MYLK4: variants seen among roughly 807,000 people sequenced by gnomAD.
MYLK4 encodes the protein caMLCK like.
Under a neutral mutation model 48.1 loss-of-function variants are expected in MYLK4, and 46 were observed. That is an observed-to-expected ratio of 0.96 (90% CI 0.75 to 1.22). The LOEUF (loss-of-function observed/expected upper bound fraction) is 1.22. Among genes scored for constraint, MYLK4 ranks in the 50% most tolerant of loss-of-function variants. The pLI, the probability that MYLK4 is intolerant of heterozygous loss-of-function variation, is 0.00. For missense variants in MYLK4, 451 were observed against 486.1 expected (o/e 0.93, Z 0.68); for synonymous variants, 170 against 180.8 (o/e 0.94, Z 0.48).
At chr6:2,740,765 A>G (rs1027131958) in intron 2 of MYLK4, among the ~76,000 whole-genome samples, 1 of 152,226 alleles carries the variant, frequency 6.6e-6, no homozygotes, top group Non-Finnish European at 1.5e-5. Flanking sequence ...CTCATTTTCT[A>G]TACTAAACGC....
At chr6:2,752,633 C>G (rs370441099), upstream of MYLK4, among the ~76,000 whole-genome samples, 1 of 152,036 alleles carries the variant, frequency 6.6e-6, no homozygotes. Context: ...TTTGGCAAGT[C>G]CATTAAACGT....
upstream of MYLK4, among the ~76,000 whole-genome samples, chr6:2,752,169 G>A (rs1020026258): frequency 2.6e-5 from 4 of 152,186 alleles, no homozygotes; most frequent in African/African-American, 9.7e-5. Flanking sequence ...TGAGCCAGAG[G>A]CCAGGAGAAT....
chr6:2,684,662 A>T (rs1405746173), intron 6 of MYLK4, among the ~76,000 whole-genome samples: 1 of 152,222 alleles, frequency 6.6e-6, no homozygotes. Context: ...AAAATACAGT[A>T]TAACAACTGT....
chr6:2,762,137 T>C, the MYLK4 span, among the ~76,000 whole-genome samples: 6 of 152,170 alleles, frequency 3.9e-5, 1 homozygote, highest in Non-Finnish European at 8.8e-5. Flanking sequence ...CCCCAACTCC[T>C]GTCCTTTTGT....
At chr6:2,752,519 T>A (rs897209789), upstream of MYLK4, among the ~76,000 whole-genome samples, 2 of 152,144 alleles carry the variant, frequency 1.3e-5, no homozygotes, top group East Asian at 3.9e-4. Flanking sequence ...GTAGACACCT[T>A]TGCATATTTT....
At chr6:2,765,182 ACCCCCCCC>A in the MYLK4 span, among the ~76,000 whole-genome samples, 33 of 72,926 alleles carry the variant, frequency 4.5e-4, 1 homozygote, top group Non-Finnish European at 6.0e-4. Context: ...TCGCCTCGCA[ACCCCCCCC>A]CCCGCCCCTC....
At chr6:2,708,143 T>C (rs953644261) in intron 2 of MYLK4, among the ~76,000 whole-genome samples, 2 of 152,196 alleles carry the variant, frequency 1.3e-5, no homozygotes, top group Non-Finnish European at 2.9e-5. Flanking sequence ...TTAAAGTCAG[T>C]TTCATTACTA....
chr6:2,709,382 C>T (rs1403337710), intron 2 of MYLK4, among the ~76,000 whole-genome samples: 1 of 152,220 alleles, frequency 6.6e-6, no homozygotes, highest in East Asian at 1.9e-4. Context: ...AGACTTGCGT[C>T]TTACTTGTGG....
rs191059620 is a variant in MYLK4, at chr6:2,705,044, C to T, written c.160-12185G>A. ...TCTCGGGTGCTTTTCCAAATATCTC[C>T]ACCCTTGGAATCTGTCTTCTGTTGT... is the stretch of plus-strand genomic sequence containing the variant. On this transcript the variant is annotated intron_variant, in intron 2 of 12. Coordinates refer to ENST00000274643, the MANE Select transcript of MYLK4 (RefSeq NM_001012418.5). Among the ~76,000 whole-genome samples the T allele has an allele frequency of 1.9e-3, 289 of 152,326 alleles. 1 individual carries two copies. The highest frequency in any genetic ancestry group is 6.6e-3 in the African/African-American group (274 of 41,580).
the MYLK4 span, among the ~76,000 whole-genome samples, chr6:2,762,563 C>T: frequency 2.0e-5 from 3 of 152,202 alleles, no homozygotes; most frequent in Non-Finnish European, 4.4e-5. Flanking sequence ...TAACACTTTT[C>T]TTGAAAACCT....
At chr6:2,768,106 TA>T in the MYLK4 span, among the ~76,000 whole-genome samples, 3 of 152,220 alleles carry the variant, frequency 2.0e-5, no homozygotes, top group Non-Finnish European at 4.4e-5. Context: ...GGTTTTCTAG[TA>T]ATTGCTAATG....
At chr6:2,763,699 C>T in the MYLK4 span, among the ~76,000 whole-genome samples, 1 of 152,260 alleles carries the variant, frequency 6.6e-6, no homozygotes, top group Admixed American at 6.5e-5. Context: ...CTTGGCCCGC[C>T]CAGGAAAGAG....
At chr6:2,696,916 TG>T (rs1170082574) in intron 2 of MYLK4, among the ~76,000 whole-genome samples, 1 of 152,052 alleles carries the variant, frequency 6.6e-6, no homozygotes, top group Non-Finnish European at 1.5e-5. Context: ...AAAAATTAGC[TG>T]GGCCTGGTGG....
At chr6:2,727,406 C>G (rs928573531) in intron 2 of MYLK4, among the ~76,000 whole-genome samples, 1 of 152,148 alleles carries the variant, frequency 6.6e-6, no homozygotes, top group African/African-American at 2.4e-5. Flanking sequence ...GGCCGAGGCA[C>G]TGAAAAACTC....
At chr6:2,747,109 T>C (rs1764121660) in intron 2 of MYLK4, among the ~76,000 whole-genome samples, 1 of 152,146 alleles carries the variant, frequency 6.6e-6, no homozygotes, top group Non-Finnish European at 1.5e-5. Flanking sequence ...CTTCCCACCT[T>C]CCACAGGGTG....
At chr6:2,693,227 C>A (rs920135268) in intron 2 of MYLK4, among the ~76,000 whole-genome samples, 1 of 152,168 alleles carries the variant, frequency 6.6e-6, no homozygotes, top group African/African-American at 2.4e-5. Flanking sequence ...AATGAGCTCA[C>A]TATTTTCAAA....
At chr6:2,762,512 T>C in the MYLK4 span, among the ~76,000 whole-genome samples, 1 of 152,248 alleles carries the variant, frequency 6.6e-6, no homozygotes, top group Non-Finnish European at 1.5e-5. Flanking sequence ...ACGTTATCTC[T>C]ATAAATGTTT....
At chr6:2,717,396 T>C (rs1561861874) in intron 2 of MYLK4, among the ~76,000 whole-genome samples, 1 of 152,208 alleles carries the variant, frequency 6.6e-6, no homozygotes, top group East Asian at 1.9e-4. Context: ...ACATGCAGAA[T>C]GCAGCAGGCC....
Position 2,699,287 on chromosome 6 carries a change from C to CTTTTTTTTTTTTTTTTTTTT in MYLK4, c.160-6448_160-6429dup, listed in dbSNP as rs56959282. ...CATGCTACCACTTTTCTTTTCTTTT[C>CTTTTTTTTTTTTTTTTTTTT]TTTTTTTTTTTTTTTTTTTTTTGAT... On this transcript the variant is annotated intron_variant, in intron 2 of 12. Coordinates refer to ENST00000274643, the MANE Select transcript of MYLK4 (RefSeq NM_001012418.5). Among the ~76,000 whole-genome samples the CTTTTTTTTTTTTTTTTTTTT allele has an allele frequency of 2.9e-3, 228 of 77,904 alleles. 13 individuals are homozygous for CTTTTTTTTTTTTTTTTTTTT. The highest frequency in any genetic ancestry group is 3.2e-3 in the Non-Finnish European group (144 of 45,620). 51.1% of individuals were successfully genotyped at this position (77,904 alleles called of 152,430 possible).
Sources: gnomAD v4.1 joint callset for allele counts (sites outside exome capture counted in the v4.1 genomes callset) on GRCh38, gnomAD v4.1.1 for gene constraint, MANE v1.5 for transcripts, NCBI Gene and HGNC (gene_info 2026-07-23, HGNC 2026-07-21) for gene names.